The following PECR variants were observed in gnomAD, a reference collection of about 807,000 sequenced individuals.
PECR encodes peroxisomal trans-2-enoyl-CoA reductase.
A neutral mutation model predicts 35.3 loss-of-function variants in PECR; 30 were observed. That is an observed-to-expected ratio of 0.85 (90% confidence interval 0.64 to 1.15). PECR has a LOEUF of 1.15. Ranked by LOEUF, PECR falls within the 50% of genes most tolerant of loss-of-function variation. The pLI, the probability that PECR is intolerant of heterozygous loss-of-function variation, is 0.00. For synonymous variants in PECR, 148 were observed against 138.9 expected (o/e 1.07, Z -0.46); for missense variants, 392 against 370.8 (o/e 1.06, Z -0.47).
chr2:216,032,345 A>G (rs574219725), intron 7 of PECR, among the ~76,000 whole-genome samples: 1 of 152,378 alleles, frequency 6.6e-6, no homozygotes, highest in East Asian at 1.9e-4. Flanking sequence ...GTTTTTTTCC[A>G]AATTTACCAA....
At chr2:216,081,537 G>A in intron 1 of PECR, 81 bp downstream of exon 1, 1 of 1,570,758 alleles carries the variant, frequency 6.4e-7, no homozygotes, top group Non-Finnish European at 8.8e-7. Flanking sequence ...CCTCAGCCCC[G>A]CCGAGAGCTC....
At chr2:216,074,704 T>C (rs994290748) in intron 1 of PECR, among the ~76,000 whole-genome samples, 3 of 152,210 alleles carry the variant, frequency 2.0e-5, no homozygotes, top group African/African-American at 7.2e-5. Context: ...AACTAGTTAC[T>C]ATCTGAAACC....
chr2:216,059,399 G>A (rs945710228), intron 3 of PECR, among the ~76,000 whole-genome samples: 7 of 152,160 alleles, frequency 4.6e-5, no homozygotes, highest in Admixed American at 2.0e-4. Context: ...TGTTTGTGAG[G>A]TTCATCCACG....
chr2:216,038,464 T>C lies in PECR; in HGVS notation c.*811A>G, dbSNP rs1225684543. 6.6e-6 allele frequency: 1 copy of C among 152,206 alleles called. No individual in the cohort carries two copies. The highest frequency in any genetic ancestry group is 1.9e-4 in the East Asian group (1 of 5,198). 9.4% of individuals were successfully genotyped at this position (152,206 alleles called of 1,614,324 possible). ...CTTCATAAACAAAAGAAACTATACATCAATAATTACCATAAGGCATTATTG... is the reference window on the plus strand; with the variant it reads ...CTTCATAAACAAAAGAAACTATACACCAATAATTACCATAAGGCATTATTG... On this transcript the variant is annotated 3_prime_UTR_variant, in exon 8 of 8. Coordinates refer to ENST00000265322, the MANE Select transcript of PECR (RefSeq NM_018441.6).
At chr2:216,046,293 CATAT>C (rs1262407345) in intron 6 of PECR, among the ~76,000 whole-genome samples, 4 of 98,420 alleles carry the variant, frequency 4.1e-5, no homozygotes, top group South Asian at 3.0e-4. Flanking sequence ...TATATACATA[CATAT>C]ATATATATAT....
At chr2:216,079,151 CTT>C (rs77646025) in intron 1 of PECR, among the ~76,000 whole-genome samples, 57 of 99,284 alleles carry the variant, frequency 5.7e-4, no homozygotes, top group Non-Finnish European at 7.5e-4. Flanking sequence ...AATGTTTTTG[CTT>C]TTTTTTTTTT....
intron 1 of PECR, among the ~76,000 whole-genome samples, chr2:216,075,686 C>T (rs1695684153): frequency 6.6e-6 from 1 of 152,166 alleles, no homozygotes; most frequent in Admixed American, 6.5e-5. Flanking sequence ...CTTTCAACAT[C>T]AGAGGCTTGT....
chr2:216,069,934 C>CAAAAAAAAAAAAAAAAA (rs35689726), intron 1 of PECR, among the ~76,000 whole-genome samples: 1 of 101,306 alleles, frequency 9.9e-6, no homozygotes, highest in African/African-American at 3.3e-5. Context: ...AAGACTCTGT[C>CAAAAAAAAAAAAAAAAA]AAAAAAAAAA....
intron 6 of PECR, among the ~76,000 whole-genome samples, chr2:216,045,243 ATCCT>A (rs1163523754): frequency 1.3e-5 from 2 of 152,182 alleles, no homozygotes; most frequent in African/African-American, 2.4e-5. Flanking sequence ...CCTTCTCTCC[ATCCT>A]TGTATTCCCA....
rs937412770 is a variant in PECR at position 216,046,790 on chromosome 2, C to G, written c.714+2473G>C. Among the ~76,000 whole-genome samples the G allele has an allele frequency of 4.6e-5, 7 of 152,140 alleles. No individual in the cohort carries two copies. In the South Asian group the frequency reaches 1.2e-3, roughly 27 times the overall value. On this transcript the variant is annotated intron_variant, in intron 6 of 7. Transcript: ENST00000265322. ...GCAAGTCTATTTTGGTTCAGGAACT[C>G]TGTTTCTAGAAACATATCCCCTCAC...
rs192245879 is a variant in PECR at position 216,046,048 on chromosome 2, A to G, written c.715-2033T>C. Among the ~76,000 whole-genome samples the G allele has an allele frequency of 7.8e-3, 1,178 of 151,628 alleles. 10 individuals are homozygous for G. Among genetic ancestry groups the G allele is most frequent in the Admixed American group, 0.018 (270 of 15,212 alleles). On this transcript the variant is annotated intron_variant, in intron 6 of 7. Coordinates refer to ENST00000265322, the MANE Select transcript of PECR (RefSeq NM_018441.6). ...AAAAATTAGCTGGGCATGCTGGTGCATGACTGTTAATCCCAGCTACTCAGG... is the reference window on the plus strand; with the variant it reads ...AAAAATTAGCTGGGCATGCTGGTGCGTGACTGTTAATCCCAGCTACTCAGG...
chr2:216,078,539 G>A (rs1450202857), intron 1 of PECR, among the ~76,000 whole-genome samples: 1 of 148,054 alleles, frequency 6.8e-6, no homozygotes, highest in Non-Finnish European at 1.5e-5. Context: ...AGTGAGCCGA[G>A]ATTGCGCCAC....
intron 1 of PECR, among the ~76,000 whole-genome samples, chr2:216,073,772 GTTT>G (rs1440328696): frequency 9.9e-5 from 15 of 152,068 alleles, no homozygotes; most frequent in African/African-American, 3.1e-4. Context: ...TCCCGTACAG[GTTT>G]GGAGCCTAGA....
Position 216,043,917 on chromosome 2 carries a change from C to T in PECR, c.813G>A (p.Ser271=), listed in dbSNP as rs372529683. 21 of 1,581,052 alleles carry T rather than the reference C, an allele frequency of 1.3e-5. No homozygotes were observed. The highest frequency in any genetic ancestry group is 1.7e-4 in the Middle Eastern group (1 of 6,020). Residue 271 remains serine (S), a synonymous_variant, in exon 7 of 8, where the codon TCG becomes TCA. Coordinates refer to ENST00000265322, the MANE Select transcript of PECR (RefSeq NM_018441.6). The stretch of plus-strand genomic sequence containing the variant: ...TCAGCTGCTCACCTGGTACCTCATA[C>T]GAGTGAGTATAGAGACTCCGGCCCC... ...VDGGRSLYTH[S]YEVPDHDNWP...
rs746674019 is a variant in PECR at position 216,039,342 on chromosome 2, T to C, written c.845A>G (p.Lys282Arg). 2 of 1,603,404 alleles carry C rather than the reference T, an allele frequency of 1.2e-6. No individual in the cohort carries two copies. The highest frequency in any genetic ancestry group is 2.2e-5 in the East Asian group (1 of 44,818). ...YEVPDHDNWP[K>R]GAGDLSVVKK... is the part of the protein sequence containing the mutation. The stretch of plus-strand genomic sequence containing the variant: ...GACAACAGAAAGGTCCCCTGCTCCC[T>C]TGGGCCAGTTGTCATGATCTGTTAA... The change falls in exon 8 of 8, where the codon AAG (lysine) becomes AGG (arginine). Residue 282 changes from lysine to arginine, a missense_variant. Transcript: ENST00000265322.
intron 1 of PECR, among the ~76,000 whole-genome samples, chr2:216,071,102 G>C (rs1245064308): frequency 1.3e-5 from 2 of 152,208 alleles, no homozygotes; most frequent in African/African-American, 4.8e-5. Flanking sequence ...GGGGGAACCG[G>C]GCCCATGGTT....
At chr2:216,030,062 T>C (rs1694656778) in intron 7 of PECR, among the ~76,000 whole-genome samples, 1 of 152,224 alleles carries the variant, frequency 6.6e-6, no homozygotes, top group African/African-American at 2.4e-5. Context: ...TTAAAATTAC[T>C]GCTTGCTCTG....
chr2:216,076,703 G>A (rs1695706801), intron 1 of PECR, among the ~76,000 whole-genome samples: 4 of 151,798 alleles, frequency 2.6e-5, no homozygotes, highest in African/African-American at 9.7e-5. Flanking sequence ...GGCAGGCTGA[G>A]GCACAAGAAT....
At chr2:216,079,981 C>CA (rs746269775) in intron 1 of PECR, among the ~76,000 whole-genome samples, 4,898 of 85,324 alleles carry the variant, frequency 0.057, 82 homozygotes, top group Non-Finnish European at 0.071. Flanking sequence ...AACTCCATCT[C>CA]AAAAAAAAAA....
Sources: allele counts gnomAD v4.1 joint callset (sites outside exome capture counted in the v4.1 genomes callset), GRCh38; gene constraint gnomAD v4.1.1; transcripts MANE v1.5; gene names NCBI Gene and HGNC (gene_info 2026-07-23, HGNC 2026-07-21).